The following SRRM4 variants were observed in gnomAD, a reference collection of about 807,000 sequenced individuals.
SRRM4 encodes the protein serine/arginine repetitive matrix 4, also known as serine/arginine repetitive matrix protein 4.
Under a neutral mutation model 68.9 loss-of-function variants are expected in SRRM4, and 33 were observed. The observed-to-expected ratio is 0.48, with a 90% confidence interval of 0.36 to 0.64. The LOEUF is 0.64. Among genes scored for constraint, SRRM4 ranks in the 30% least tolerant of loss-of-function variants. The pLI is 0.00. For synonymous variants in SRRM4, 318 were observed against 318.8 expected (o/e 1.00, Z 0.03); for missense variants, 817 against 827.1 (o/e 0.99, Z 0.15).
chr12:119,062,079 G>A (rs982068227), intron 1 of SRRM4, among the ~76,000 whole-genome samples: 2 of 152,196 alleles, frequency 1.3e-5, no homozygotes, highest in Non-Finnish European at 2.9e-5. Context: ...ACAGCTTGCT[G>A]CACCTAGGCT....
chr12:119,150,920 A>G (rs1361892592), intron 9 of SRRM4, 97 bp from the exon 10 acceptor site: 35 of 1,102,040 alleles, frequency 3.2e-5, no homozygotes, highest in Non-Finnish European at 4.7e-5. Flanking sequence ...GGGTTCTATG[A>G]GAGCACCACA....
At chr12:119,049,884 A>G (rs1470577358) in intron 1 of SRRM4, among the ~76,000 whole-genome samples, 2 of 152,142 alleles carry the variant, frequency 1.3e-5, no homozygotes, top group Non-Finnish European at 2.9e-5. Flanking sequence ...GGACCTCATT[A>G]TACCTTAATT....
intron 1 of SRRM4, among the ~76,000 whole-genome samples, chr12:119,004,898 C>G (rs374344092): frequency 6.6e-6 from 1 of 151,458 alleles, no homozygotes; most frequent in Non-Finnish European, 1.5e-5. Context: ...TTCCTTTGTT[C>G]CCTTGGCGGA....
chr12:119,138,086 C>G (rs7306368), intron 8 of SRRM4, among the ~76,000 whole-genome samples: 1 of 151,866 alleles, frequency 6.6e-6, no homozygotes, highest in African/African-American at 2.4e-5. Context: ...GTTTGGGGTC[C>G]GGAGAGCTCA....
chr12:119,021,783 T>G (rs528070745), intron 1 of SRRM4, among the ~76,000 whole-genome samples: 1 of 152,264 alleles, frequency 6.6e-6, no homozygotes, highest in Non-Finnish European at 1.5e-5. Flanking sequence ...GGCTGCATAG[T>G]ATTCCATGGT....
intron 5 of SRRM4, among the ~76,000 whole-genome samples, chr12:119,121,571 C>T (rs1352974359): frequency 6.6e-6 from 1 of 152,198 alleles, no homozygotes; most frequent in East Asian, 1.9e-4. Flanking sequence ...CAGTCAAGAG[C>T]ATGGGCTCTG....
At chr12:119,088,172 G>A (rs1380948063) in intron 1 of SRRM4, among the ~76,000 whole-genome samples, 1 of 152,180 alleles carries the variant, frequency 6.6e-6, no homozygotes, top group Middle Eastern at 3.4e-3. Context: ...GTAGGTTCTG[G>A]GCCCTACTGT....
intron 8 of SRRM4, among the ~76,000 whole-genome samples, chr12:119,138,499 T>G (rs1164906059): frequency 2.6e-5 from 4 of 152,168 alleles, no homozygotes; most frequent in African/African-American, 9.7e-5. Context: ...GATGCTCCAG[T>G]GTTCAGCCTT....
chr12:119,110,548 G>A (rs148611821), intron 2 of SRRM4, among the ~76,000 whole-genome samples: 11,746 of 152,234 alleles, frequency 0.077, 507 homozygotes, highest in Admixed American at 0.1. Flanking sequence ...CCCCAGCCTC[G>A]CTGCCGCCTT....
At chr12:119,097,290 G>C (rs1954051962) in intron 1 of SRRM4, among the ~76,000 whole-genome samples, 1 of 152,232 alleles carries the variant, frequency 6.6e-6, no homozygotes, top group African/African-American at 2.4e-5. Flanking sequence ...GCTGAAGCCT[G>C]ATTCCACTGC....
At chr12:119,078,333 G>C (rs1273973566) in intron 1 of SRRM4, among the ~76,000 whole-genome samples, 3 of 152,196 alleles carry the variant, frequency 2.0e-5, no homozygotes, top group Non-Finnish European at 4.4e-5. Context: ...GCTTCCTGAA[G>C]CTCAGGTGCC....
At chr12:119,018,241 G>T (rs974931960) in intron 1 of SRRM4, among the ~76,000 whole-genome samples, 1 of 152,206 alleles carries the variant, frequency 6.6e-6, no homozygotes, top group East Asian at 1.9e-4. Flanking sequence ...TATGAGGATA[G>T]ATTCTGAAAC....
At chr12:119,156,373 T>TA in intron 12 of SRRM4, 122 bp from the exon 13 acceptor site, 1 of 1,406,784 alleles carries the variant, frequency 7.1e-7, no homozygotes, top group Non-Finnish European at 9.4e-7. Flanking sequence ...GGAAAGGGAG[T>TA]ATTTTTTCCT....
chr12:119,050,988 T>A (rs957662027), intron 1 of SRRM4, among the ~76,000 whole-genome samples: 2 of 152,166 alleles, frequency 1.3e-5, no homozygotes, highest in African/African-American at 4.8e-5. Context: ...ATCTCTGTCA[T>A]CATAGAAAGG....
chr12:119,018,291 G>A (rs1953493919), intron 1 of SRRM4, among the ~76,000 whole-genome samples: 1 of 152,204 alleles, frequency 6.6e-6, no homozygotes, highest in African/African-American at 2.4e-5. Flanking sequence ...GTTTTGGAAA[G>A]TCCTTGGGCA....
intron 7 of SRRM4, among the ~76,000 whole-genome samples, chr12:119,125,944 A>T (rs543653169): frequency 4.3e-4 from 63 of 147,034 alleles, no homozygotes; most frequent in Non-Finnish European, 8.1e-4. Flanking sequence ...AAACAAAAAC[A>T]AGAGAAAGGG....
At chr12:119,099,269 G>A (rs1482843000) in intron 1 of SRRM4, among the ~76,000 whole-genome samples, 3 of 152,078 alleles carry the variant, frequency 2.0e-5, no homozygotes, top group Non-Finnish European at 4.4e-5. Flanking sequence ...TGAGTAGCTG[G>A]GATTACAGAC....
At chr12:118,997,948 T>A (rs7306404) in intron 1 of SRRM4, among the ~76,000 whole-genome samples, 63,687 of 151,932 alleles carry the variant, frequency 0.42, 14,202 homozygotes, top group Middle Eastern at 0.67. Context: ...GTCAAGTTTT[T>A]AACTACCACG....
chr12:119,031,805 G>A (rs960196130), intron 1 of SRRM4, among the ~76,000 whole-genome samples: 7 of 151,628 alleles, frequency 4.6e-5, no homozygotes, highest in Admixed American at 2.0e-4. Context: ...AAAAAAAGCT[G>A]TTCAAAGTTT....
Sources: allele counts gnomAD v4.1 joint callset (sites outside exome capture counted in the v4.1 genomes callset), GRCh38; gene constraint gnomAD v4.1.1; transcripts MANE v1.5; gene names NCBI Gene and HGNC (gene_info 2026-07-23, HGNC 2026-07-21).